Variants in ADK observed in about 807,000 individuals in gnomAD.
ADK encodes the protein N6,N6-dimethyladenosine kinase.
A neutral mutation model predicts 44.7 loss-of-function variants in ADK; 24 were observed. The observed-to-expected ratio is 0.54, with a 90% CI of 0.39 to 0.76. The LOEUF is 0.76. Among genes scored for constraint, ADK ranks in the 30% least tolerant of loss-of-function variants. ADK has a pLI of 0.00. For synonymous variants in ADK, 128 were observed against 142.6 expected (o/e 0.90, Z 0.73); for missense variants, 321 against 425.1 (o/e 0.76, Z 2.15).
chr10:74,560,651 A>G (rs1446753412), intron 7 of ADK, among the ~76,000 whole-genome samples: 2 of 152,192 alleles, frequency 1.3e-5, no homozygotes, highest in African/African-American at 4.8e-5. Flanking sequence ...CCTTATATTT[A>G]TAAATATTAG....
intron 10 of ADK, among the ~76,000 whole-genome samples, chr10:74,685,557 G>A (rs149056685): frequency 1.3e-3 from 202 of 152,256 alleles, no homozygotes; most frequent in Non-Finnish European, 1.9e-3. Flanking sequence ...TCTAGAGCTT[G>A]CTCTTCTAAT....
chr10:74,532,622 T>C (rs902253217), intron 7 of ADK, among the ~76,000 whole-genome samples: 2 of 152,088 alleles, frequency 1.3e-5, no homozygotes, highest in Admixed American at 6.5e-5. Flanking sequence ...TAGAACTGGC[T>C]GGGCATAGTG....
At chr10:74,208,198 A>G (rs1332465799) in intron 2 of ADK, among the ~76,000 whole-genome samples, 1 of 152,248 alleles carries the variant, frequency 6.6e-6, no homozygotes, top group Non-Finnish European at 1.5e-5. Flanking sequence ...CAGAGAGTGC[A>G]GGGATACCTG....
At chr10:74,267,446 T>C (rs984120567) in intron 3 of ADK, among the ~76,000 whole-genome samples, 2 of 152,168 alleles carry the variant, frequency 1.3e-5, no homozygotes, top group African/African-American at 2.4e-5. Flanking sequence ...TTGAAGATGA[T>C]TCCTTGATTC....
intron 3 of ADK, among the ~76,000 whole-genome samples, chr10:74,301,441 G>T (rs1353364148): frequency 2.6e-5 from 4 of 151,012 alleles, no homozygotes; most frequent in Non-Finnish European, 5.9e-5. Context: ...TTGAACCCGG[G>T]AGGCGGAGGT....
At chr10:74,243,522 A>G (rs1845303854) in intron 3 of ADK, among the ~76,000 whole-genome samples, 1 of 152,154 alleles carries the variant, frequency 6.6e-6, no homozygotes, top group Non-Finnish European at 1.5e-5. Context: ...TATTTTGACC[A>G]TTATTCAGCA....
chr10:74,596,864 G>A (rs1292467226), intron 8 of ADK, among the ~76,000 whole-genome samples: 3 of 152,100 alleles, frequency 2.0e-5, no homozygotes, highest in Non-Finnish European at 2.9e-5. Flanking sequence ...ATACTTTAGA[G>A]CTTTATACAT....
At chr10:74,151,962 C>A (rs1264392496) in intron 1 of ADK, among the ~76,000 whole-genome samples, 1 of 152,198 alleles carries the variant, frequency 6.6e-6, no homozygotes, top group African/African-American at 2.4e-5. Context: ...AGTGCTGCCC[C>A]TAACACCTGC....
At chr10:74,402,190 A>G (rs966589221) in intron 6 of ADK, among the ~76,000 whole-genome samples, 9 of 150,918 alleles carry the variant, frequency 6.0e-5, no homozygotes, top group Admixed American at 6.6e-5. Flanking sequence ...CTTCATTTCA[A>G]CTTTGGTGAA....
intron 7 of ADK, among the ~76,000 whole-genome samples, chr10:74,532,418 C>T (rs1173959614): frequency 2.7e-4 from 38 of 142,300 alleles, no homozygotes; most frequent in Admixed American, 2.5e-3. Context: ...GCAGAGGTTG[C>T]AGTGAGCCAA....
intron 9 of ADK, among the ~76,000 whole-genome samples, chr10:74,656,948 T>C (rs1854509473): frequency 6.6e-6 from 1 of 152,072 alleles, no homozygotes; most frequent in Admixed American, 6.6e-5. Context: ...CATCCTCGAA[T>C]TCCTGGACTC....
rs1197273342 is a variant in ADK at position 74,689,051 on chromosome 10, C to A, written c.964+18782C>A. 1.1e-4 allele frequency among the ~76,000 whole-genome samples: 16 copies of A among 152,164 alleles called. 1 individual carries two copies. The highest frequency in any genetic ancestry group is 2.4e-4 in the Non-Finnish European group (16 of 67,992). On this transcript the variant is annotated intron_variant, in intron 10 of 10. Transcript: ENST00000539909. ...GATCATGAGGTCAGGAGATCGAGAC[C>A]ATCCTGGCTAACATGGTGAAACCCC...
At chr10:74,647,433 T>C (rs1475128153) in intron 9 of ADK, among the ~76,000 whole-genome samples, 1 of 152,184 alleles carries the variant, frequency 6.6e-6, no homozygotes, top group Non-Finnish European at 1.5e-5. Flanking sequence ...TTAAAATACT[T>C]TTTTAAAAGG....
intron 7 of ADK, chr10:74,527,667 C>T (rs1849109373): frequency 4.8e-6 from 5 of 1,045,854 alleles, no homozygotes; most frequent in Non-Finnish European, 7.6e-6. Flanking sequence ...CTTCAGCCTA[C>T]CAAAACTGTG....
intron 8 of ADK, among the ~76,000 whole-genome samples, chr10:74,594,148 G>A (rs1444055941): frequency 6.7e-6 from 1 of 149,056 alleles, no homozygotes; most frequent in East Asian, 2.0e-4. Flanking sequence ...AGAACACATG[G>A]ACACAGGGAG....
intron 8 of ADK, among the ~76,000 whole-genome samples, chr10:74,595,676 C>A (rs191817852): frequency 7.2e-6 from 1 of 138,720 alleles, no homozygotes; most frequent in Non-Finnish European, 1.6e-5. Context: ...GCGCCCATCG[C>A]CATATCAGTT....
At chr10:74,518,442 G>T (rs1848681951) in intron 6 of ADK, among the ~76,000 whole-genome samples, 1 of 151,940 alleles carries the variant, frequency 6.6e-6, no homozygotes, top group African/African-American at 2.4e-5. Context: ...TCCTTTTTGA[G>T]CCTTCTGTCT....
At chr10:74,635,914 T>C (rs1316563079) in intron 9 of ADK, among the ~76,000 whole-genome samples, 1 of 138,878 alleles carries the variant, frequency 7.2e-6, no homozygotes, top group Non-Finnish European at 1.5e-5. Flanking sequence ...CAAGACCCCA[T>C]CTCTACCAAA....
chr10:74,223,325 A>G (rs1253597506), intron 2 of ADK, among the ~76,000 whole-genome samples: 2 of 152,122 alleles, frequency 1.3e-5, no homozygotes, highest in African/African-American at 4.8e-5. Context: ...GGATTAATCC[A>G]TTTATGAAGG....
Sources: allele counts gnomAD v4.1 joint callset (sites outside exome capture counted in the v4.1 genomes callset), GRCh38; gene constraint gnomAD v4.1.1; transcripts MANE v1.5; gene names NCBI Gene and HGNC (gene_info 2026-07-23, HGNC 2026-07-21).